Variants in ZSCAN22 observed in about 807,000 individuals in gnomAD.
ZSCAN22 encodes the protein zinc finger and SCAN domain containing 22, also known as zinc finger and SCAN domain-containing protein 22.
Under a neutral mutation model 12.4 loss-of-function variants are expected in ZSCAN22, and 7 were observed. The ratio of observed to expected loss-of-function variants is 0.57; its 90% CI spans 0.32 to 1.06. The LOEUF (loss-of-function observed/expected upper bound fraction) is 1.06. ZSCAN22 is among the 50% of genes least tolerant of loss of function. The pLI is 0.04. For synonymous variants in ZSCAN22, 243 were observed against 255.9 expected, an observed-to-expected ratio of 0.95 and a Z score of 0.48; for missense variants, 576 against 631.7, an observed-to-expected ratio of 0.91 and a Z score of 0.94.
rs549654425 is a variant in ZSCAN22 at position 58,341,344 on chromosome 19, T to C, written c.*2018T>C. Reference sequence around the variant, plus strand: ...CTCACAATGCTGCATCCCTGTCCCATTTTTAGGGTCCCTGTCTATCACTGG... The same window carrying C: ...CTCACAATGCTGCATCCCTGTCCCACTTTTAGGGTCCCTGTCTATCACTGG... On this transcript the variant is annotated 3_prime_UTR_variant, in exon 3 of 3. Transcript: ENST00000329665. The C allele has an allele frequency of 6.6e-6, 1 of 152,322 alleles. No homozygotes were observed. The highest frequency in any genetic ancestry group is 6.5e-5 in the Admixed American group (1 of 15,294). The allele number at this position is 152,322 out of a possible 1,614,324, so 9.4% of individuals were successfully genotyped here.
intron 1 of ZSCAN22, among the ~76,000 whole-genome samples, chr19:58,333,562 G>T (rs1034218972): frequency 2.6e-5 from 4 of 152,216 alleles, no homozygotes; most frequent in African/African-American, 9.7e-5. Flanking sequence ...TAACCAATGG[G>T]ACTGGGCATG....
chr19:58,335,075 G>T lies in ZSCAN22; in HGVS notation c.273G>T (p.Leu91=). 1 of 1,614,134 alleles carries T rather than the reference G, an allele frequency of 6.2e-7. No homozygotes were observed. Among genetic ancestry groups the T allele is most frequent in the South Asian group, 1.1e-5 (1 of 91,080 alleles). ...ACTCCAAGGAGCAGATACTGGAGCT[G>T]CTGGTGCTGGAGCAGTTCCTGGGTG... ...EAHSKEQILE[L]LVLEQFLGAL... is the part of the protein sequence containing the mutation. Residue 91 remains leucine (L), a synonymous_variant, in exon 2 of 3, where the codon CTG becomes CTT. Coordinates refer to ENST00000329665, the MANE Select transcript of ZSCAN22 (RefSeq NM_181846.3). The surrounding 1 kb of genome is among the most constrained non-coding windows in gnomAD (Gnocchi z 4.1).
chr19:58,336,433 C>T (rs2051798275), intron 2 of ZSCAN22, among the ~76,000 whole-genome samples: 1 of 151,948 alleles, frequency 6.6e-6, no homozygotes, highest in Non-Finnish European at 1.5e-5. Context: ...GGGTAAAATG[C>T]AGAGGGAATG....
intron 1 of ZSCAN22, among the ~76,000 whole-genome samples, chr19:58,334,451 G>A (rs2051765640): frequency 6.6e-6 from 1 of 152,110 alleles, no homozygotes; most frequent in African/African-American, 2.4e-5. Context: ...TGAGTAGCTG[G>A]GACCACAGGT....
At position 58,338,247 on chromosome 19, in the gene ZSCAN22, G is replaced by A. The variant is rs763685746; in HGVS notation, c.404-7G>A. On this transcript the variant is annotated splice_region_variant and splice_polypyrimidine_tract_variant and intron_variant, in intron 2 of 2. Coordinates refer to ENST00000329665, the MANE Select transcript of ZSCAN22 (RefSeq NM_181846.3). The surrounding 1 kb of genome is among the most constrained non-coding windows in gnomAD (Gnocchi z 5.4). ...GAGGAGTGACAGTGTGGTTCGGACT[G>A]TTTCAGGATGGGATCCAGGAGCCGA... is the stretch of plus-strand genomic sequence containing the variant. 6.3e-7 allele frequency: 1 copy of A among 1,594,624 alleles called. No individual in the cohort carries two copies. The highest frequency in any genetic ancestry group is 1.1e-5 in the South Asian group (1 of 89,964).
Position 58,338,585 on chromosome 19 carries a change from A to G in ZSCAN22, c.735A>G (p.Glu245=). 6.2e-7 allele frequency: 1 copy of G among 1,614,256 alleles called. No homozygotes were observed. Among genetic ancestry groups the G allele is most frequent in the Admixed American group, 1.7e-5 (1 of 60,030 alleles). ...CCTCCCAAGAGAAGCCTCCTTCAGAAGACAAATTTGATCTGGTGGATGCTT... is the reference window on the plus strand; with the variant it reads ...CCTCCCAAGAGAAGCCTCCTTCAGAGGACAAATTTGATCTGGTGGATGCTT... ...NLTSQEKPPS[E]DKFDLVDAYG... The change falls in exon 3 of 3, where the codon GAA becomes GAG. Residue 245 remains glutamate (E), a synonymous_variant. Coordinates refer to ENST00000329665, the MANE Select transcript of ZSCAN22 (RefSeq NM_181846.3). The surrounding 1 kb of genome is among the most constrained non-coding windows in gnomAD (Gnocchi z 5.4).
chr19:58,331,215 CTTT>C (rs60442054), intron 1 of ZSCAN22, among the ~76,000 whole-genome samples: 3 of 131,432 alleles, frequency 2.3e-5, no homozygotes, highest in African/African-American at 5.8e-5. Context: ...ATCAAATGCA[CTTT>C]TTTTTTTTTT....
chr19:58,342,179 A>C lies in ZSCAN22; in HGVS notation c.*2853A>C, dbSNP rs900135297. ...CTACCAAATAATTTATATACATCTC[A>C]GTCCTCACACAACCATCCCTGTTTT... On this transcript the variant is annotated 3_prime_UTR_variant, in exon 3 of 3. Transcript: ENST00000329665. The C allele has an allele frequency of 2.0e-5, 3 of 152,184 alleles. No homozygotes were observed. Among genetic ancestry groups the C allele is most frequent in the African/African-American group, 7.2e-5 (3 of 41,446 alleles). The allele number at this position is 152,184 out of a possible 1,614,324, so 9.4% of individuals were successfully genotyped here.
rs1176361373 is a variant in ZSCAN22, at chr19:58,339,870, T to G, written c.*544T>G. 3 of 154,662 alleles carry G rather than the reference T, an allele frequency of 1.9e-5. No individual in the cohort carries two copies. Among genetic ancestry groups the G allele is most frequent in the African/African-American group, 7.2e-5 (3 of 41,478 alleles). 9.6% of individuals were successfully genotyped at this position (154,662 alleles called of 1,614,324 possible). ...AGACTGCCTCTTCCACGATGCCTTTTCTACACTCTGCCTCTCTCATGGTTT... is the reference window on the plus strand; with the variant it reads ...AGACTGCCTCTTCCACGATGCCTTTGCTACACTCTGCCTCTCTCATGGTTT... On this transcript the variant is annotated 3_prime_UTR_variant, in exon 3 of 3. Transcript: ENST00000329665. The surrounding 1 kb of genome is among the most constrained non-coding windows in gnomAD (Gnocchi z 5.6).
intron 1 of ZSCAN22, among the ~76,000 whole-genome samples, chr19:58,332,961 A>G (rs1210697773): frequency 6.6e-6 from 1 of 152,198 alleles, no homozygotes; most frequent in Non-Finnish European, 1.5e-5. Flanking sequence ...CCTTGCCTAC[A>G]CATGTTATCT....
At chr19:58,334,155 A>G (rs886519199) in intron 1 of ZSCAN22, among the ~76,000 whole-genome samples, 1 of 152,244 alleles carries the variant, frequency 6.6e-6, no homozygotes, top group Non-Finnish European at 1.5e-5. Flanking sequence ...AGCACGCCTT[A>G]AACAGGCTGG....
chr19:58,339,308 CATCACGGTGCTGCAATG>C lies in ZSCAN22; in HGVS notation c.1460_1476del (p.Ile487ThrfsTer19), dbSNP rs1479463896. 1.9e-6 allele frequency: 3 copies of C among 1,609,582 alleles called. No homozygotes were observed. The highest frequency in any genetic ancestry group is 8.5e-7 in the Non-Finnish European group (1 of 1,176,960). On this transcript the variant is annotated frameshift_variant and stop_lost, in exon 3 of 3. Coordinates refer to ENST00000329665, the MANE Select transcript of ZSCAN22 (RefSeq NM_181846.3). LOFTEE classifies it high-confidence loss of function. The surrounding 1 kb of genome is among the most constrained non-coding windows in gnomAD (Gnocchi z 5.6). ...CCCTGATGGTTCACTTGCGGATCCA[CATCACGGTGCTGCAATG>C]ACCGGAAGTCGCCCCTGGGGGCGTA...
intron 1 of ZSCAN22, among the ~76,000 whole-genome samples, chr19:58,331,475 A>T (rs2051723394): frequency 6.6e-6 from 1 of 150,824 alleles, no homozygotes; most frequent in South Asian, 2.1e-4. Flanking sequence ...TCAGCCTCCC[A>T]AAGTGCTGGG....
chr19:58,339,213 C>CAG lies in ZSCAN22; in HGVS notation c.1366_1367dup (p.Ile457GlyfsTer24). Reference sequence around the variant, plus strand: ...ACAGAGCTCCTCCCTCATTGAGCACCAGAGGATCCACACGGGAGAGAAGCC... The same window carrying CAG: ...ACAGAGCTCCTCCCTCATTGAGCACCAGAGAGGATCCACACGGGAGAGAAGCC... On this transcript the variant is annotated frameshift_variant, in exon 3 of 3. Coordinates refer to ENST00000329665, the MANE Select transcript of ZSCAN22 (RefSeq NM_181846.3). LOFTEE classifies it low-confidence loss of function (END_TRUNC). The surrounding 1 kb of genome is among the most constrained non-coding windows in gnomAD (Gnocchi z 5.6). 1 of 1,613,966 alleles carries CAG rather than the reference C, an allele frequency of 6.2e-7. No individual in the cohort carries two copies. The highest frequency in any genetic ancestry group is 1.1e-5 in the South Asian group (1 of 91,054).
At chr19:58,332,328 C>T (rs771177333) in intron 1 of ZSCAN22, among the ~76,000 whole-genome samples, 36 of 125,494 alleles carry the variant, frequency 2.9e-4, no homozygotes, top group Non-Finnish European at 1.9e-4. Context: ...GGCTGTAGTG[C>T]AGTGGTGTAC....
rs561886361 is a variant in ZSCAN22 at position 58,342,082 on chromosome 19, T to A, written c.*2756T>A. 1.3e-5 allele frequency: 2 copies of A among 152,210 alleles called. No homozygotes were observed. Among genetic ancestry groups the A allele is most frequent in the South Asian group, 4.1e-4 (2 of 4,832 alleles). The allele number at this position is 152,210 out of a possible 1,614,324, so 9.4% of individuals were successfully genotyped here. A position where few individuals can be genotyped will look rare whatever the true frequency, so the allele number is the denominator to read the frequency against. Reference sequence around the variant, plus strand: ...TTGGTCGTTGAGACATATCTGTCCATGTCTGTCTAAAAGGGGAGGAGATGA... The same window carrying A: ...TTGGTCGTTGAGACATATCTGTCCAAGTCTGTCTAAAAGGGGAGGAGATGA... On this transcript the variant is annotated 3_prime_UTR_variant, in exon 3 of 3. Transcript: ENST00000329665.
At chr19:58,330,093 C>G (rs921944763) in intron 1 of ZSCAN22, among the ~76,000 whole-genome samples, 1 of 152,100 alleles carries the variant, frequency 6.6e-6, no homozygotes, top group Admixed American at 6.5e-5. Flanking sequence ...TCGAGACCAT[C>G]GTGGCTAATA....
Position 58,339,433 on chromosome 19 carries a change from G to C in ZSCAN22, c.*107G>C. 9.1e-7 allele frequency: 1 copy of C among 1,096,186 alleles called. No homozygotes were observed. Among genetic ancestry groups the C allele is most frequent in the Non-Finnish European group, 1.3e-6 (1 of 783,186 alleles). 67.9% of individuals were successfully genotyped at this position (1,096,186 alleles called of 1,614,324 possible). On this transcript the variant is annotated 3_prime_UTR_variant, in exon 3 of 3. Transcript: ENST00000329665. The surrounding 1 kb of genome is among the most constrained non-coding windows in gnomAD (Gnocchi z 5.6). The stretch of plus-strand genomic sequence containing the variant: ...CACAGACAGGGTGGGTGATTGATGA[G>C]TTGTCAAAATGATAGGTGCCTGAGG...
intron 1 of ZSCAN22, among the ~76,000 whole-genome samples, chr19:58,330,534 G>C (rs1449206916): frequency 2.0e-5 from 3 of 152,220 alleles, no homozygotes; most frequent in Non-Finnish European, 4.4e-5. Flanking sequence ...AGTGCTCACA[G>C]TTCTAGAATT....
Sources: gnomAD v4.1 joint callset for allele counts (sites outside exome capture counted in the v4.1 genomes callset) on GRCh38, gnomAD v4.1.1 for gene constraint, Gnocchi (gnomAD v3.1) non-coding constraint, MANE v1.5 for transcripts, NCBI Gene and HGNC (gene_info 2026-07-23, HGNC 2026-07-21) for gene names.